RANBP2: variants seen among roughly 807,000 people sequenced by gnomAD.
The protein encoded by RANBP2 is E3 SUMO-protein ligase RanBP2.
Under a neutral mutation model 303.6 loss-of-function variants are expected in RANBP2, and 57 were observed. The observed-to-expected ratio is 0.19, with a 90% confidence interval of 0.15 to 0.23. The LOEUF is 0.23. Ranked by LOEUF, RANBP2 falls within the 10% of genes least tolerant of loss-of-function variation. The pLI, the probability that RANBP2 is intolerant of heterozygous loss-of-function variation, is 1.00. For missense variants in RANBP2, 3,138 were observed against 3,780.8 expected (o/e 0.83, Z 4.46); for synonymous variants, 1,167 against 1,301.5 (o/e 0.90, Z 2.23).
At chr2:108,932,298 A>G in the RANBP2 span, among the ~76,000 whole-genome samples, 475 of 151,946 alleles carry the variant, frequency 3.1e-3, 3 homozygotes, top group African/African-American at 0.011. Context: ...GGAGGCTGAG[A>G]CGGGCGGATC....
At chr2:109,728,150 T>G in the RANBP2 span, among the ~76,000 whole-genome samples, 1 of 152,014 alleles carries the variant, frequency 6.6e-6, no homozygotes, top group South Asian at 2.1e-4. Context: ...GGAGAAAAAA[T>G]AAGGCCCTTG....
chr2:109,054,072 T>C, the RANBP2 span, among the ~76,000 whole-genome samples: 2 of 152,162 alleles, frequency 1.3e-5, no homozygotes, highest in African/African-American at 4.8e-5. Context: ...GGCGTGTTCA[T>C]GGTGTGGGGT....
the RANBP2 span, among the ~76,000 whole-genome samples, chr2:109,007,888 A>AAG: frequency 8.5e-6 from 1 of 118,086 alleles, no homozygotes; most frequent in African/African-American, 3.2e-5. Context: ...ACCACAAGAA[A>AAG]TCTAAACCTG....
intron 4 of RANBP2, among the ~76,000 whole-genome samples, chr2:108,734,723 A>G (rs768266608): frequency 5.3e-5 from 8 of 151,776 alleles, no homozygotes; most frequent in African/African-American, 9.7e-5. Flanking sequence ...GAAGAATAAC[A>G]AGGGTGGTAT....
At chr2:109,474,774 C>T in the RANBP2 span, among the ~76,000 whole-genome samples, 1 of 152,232 alleles carries the variant, frequency 6.6e-6, no homozygotes, top group African/African-American at 2.4e-5. Flanking sequence ...AGGCCCTGCA[C>T]ACCCTGGGAC....
chr2:108,788,178 G>A, downstream of RANBP2: 1 of 1,359,308 alleles, frequency 7.4e-7, no homozygotes, highest in Non-Finnish European at 1.0e-6. Flanking sequence ...CAGCACTTTG[G>A]GAGGCCGAGG....
At chr2:109,342,024 G>T in the RANBP2 span, among the ~76,000 whole-genome samples, 23 of 152,188 alleles carry the variant, frequency 1.5e-4, no homozygotes, top group Admixed American at 3.3e-4. Flanking sequence ...GGTCTCACCC[G>T]CCGGGGCCTA....
the RANBP2 span, among the ~76,000 whole-genome samples, chr2:109,033,377 C>G: frequency 1.3e-5 from 2 of 152,120 alleles, no homozygotes; most frequent in Non-Finnish European, 2.9e-5. Context: ...GCCGAAACAC[C>G]CAGGTTCTGT....
At chr2:109,655,568 C>T in the RANBP2 span, among the ~76,000 whole-genome samples, 6 of 152,004 alleles carry the variant, frequency 3.9e-5, no homozygotes, top group African/African-American at 1.5e-4. Flanking sequence ...CGAGGGTCAG[C>T]ACCCACCCAG....
the RANBP2 span, among the ~76,000 whole-genome samples, chr2:109,445,534 A>G: frequency 6.6e-6 from 1 of 152,240 alleles, no homozygotes; most frequent in South Asian, 2.1e-4. Context: ...AAAAATGGGA[A>G]AAGGAGGTAC....
chr2:109,555,650 T>C, the RANBP2 span, among the ~76,000 whole-genome samples: 56 of 152,194 alleles, frequency 3.7e-4, no homozygotes, highest in Non-Finnish European at 6.8e-4. Flanking sequence ...TTTCTTGTGA[T>C]TATCTACAGG....
the RANBP2 span, among the ~76,000 whole-genome samples, chr2:109,007,565 C>T: frequency 6.6e-6 from 1 of 152,172 alleles, no homozygotes; most frequent in African/African-American, 2.4e-5. Context: ...GGGGCTGTTC[C>T]ACAGATATCA....
Position 108,753,899 on chromosome 2 carries a change from T to C in RANBP2, c.2130T>C (p.Tyr710=), listed in dbSNP as rs369965013. Residue 710 remains tyrosine (Y), a synonymous_variant, in exon 15 of 29, where the codon TAT becomes TAC. Transcript: ENST00000283195. ...AAGAACAAGAAGAATGCAAAAATTA[T>C]CTGAGAAAGACCAGGGACTACCTAA... ...SPEEQEECKN[Y]LRKTRDYLIK... The C allele has an allele frequency of 5.0e-6, 8 of 1,611,918 alleles. No individual in the cohort carries two copies. In the East Asian group the frequency reaches 8.9e-5, roughly 18 times the overall value.
chr2:109,342,842 G>T, the RANBP2 span, among the ~76,000 whole-genome samples: 5 of 152,234 alleles, frequency 3.3e-5, 1 homozygote, highest in Admixed American at 3.3e-4. Flanking sequence ...TGAGTAATGA[G>T]CCATGAAATT....
the RANBP2 span, among the ~76,000 whole-genome samples, chr2:109,609,019 TCTC>T: frequency 2.7e-4 from 41 of 152,326 alleles, no homozygotes; most frequent in East Asian, 6.7e-3. Flanking sequence ...AGAGCATCCT[TCTC>T]CTTCTTTCCC....
the RANBP2 span, among the ~76,000 whole-genome samples, chr2:109,309,326 T>C: frequency 6.6e-6 from 1 of 150,544 alleles, no homozygotes; most frequent in African/African-American, 2.5e-5. Flanking sequence ...GATTTTGGGC[T>C]GAGACAAAAG....
chr2:108,839,242 C>G, the RANBP2 span: 1 of 1,612,770 alleles, frequency 6.2e-7, no homozygotes, highest in Non-Finnish European at 8.5e-7. Context: ...TATCAAACTT[C>G]ACGAGCCTTT....
chr2:109,717,644 T>C, the RANBP2 span, among the ~76,000 whole-genome samples: 1 of 151,828 alleles, frequency 6.6e-6, no homozygotes, highest in Non-Finnish European at 1.5e-5. Context: ...CCAGGCACAG[T>C]GGCTCACACC....
chr2:109,553,043 C>T, the RANBP2 span: 2 of 1,589,508 alleles, frequency 1.3e-6, no homozygotes, highest in African/African-American at 1.4e-5. Flanking sequence ...ATTAATAGGA[C>T]ATCTAAAAAA....
Sources: allele counts gnomAD v4.1 joint callset (sites outside exome capture counted in the v4.1 genomes callset), GRCh38; gene constraint gnomAD v4.1.1; transcripts MANE v1.5; gene names NCBI Gene and HGNC (gene_info 2026-07-23, HGNC 2026-07-21).